Variants in DAW1 observed in about 807,000 individuals in gnomAD.
DAW1 encodes dynein assembly factor with WD repeats 1, also known as dynein assembly factor with WD repeat domains 1.
In DAW1, 47 loss-of-function variants were observed where a neutral mutation model predicts 56.5. The ratio of observed to expected loss-of-function variants is 0.83; its 90% CI spans 0.66 to 1.06. The LOEUF (loss-of-function observed/expected upper bound fraction) is 1.06. DAW1 is among the 50% of genes least tolerant of loss of function. The pLI, the probability that DAW1 is intolerant of heterozygous loss-of-function variation, is 0.00. For missense variants in DAW1, 505 were observed against 499.3 expected, an observed-to-expected ratio of 1.01 and a Z score of -0.11; for synonymous variants, 190 against 179.0, an observed-to-expected ratio of 1.06 and a Z score of -0.49.
chr2:227,918,192 C>CATT (rs1483343304), intron 10 of DAW1, among the ~76,000 whole-genome samples: 1 of 100,462 alleles, frequency 1.0e-5, no homozygotes. Context: ...TCCATCCATC[C>CATT]ATCCATCCAT....
In DAW1 at chr2:227,913,565, G is replaced by A. The variant is rs116452306; in HGVS notation, c.974-5215G>A. Among the ~76,000 whole-genome samples the A allele has an allele frequency of 8.1e-3, 1,231 of 152,056 alleles. 17 individuals are homozygous for A. Among genetic ancestry groups the A allele is most frequent in the African/African-American group, 0.028 (1,147 of 41,494 alleles). ...CCACAGTGCTGCATTCATGCATGTCGTCTCCTTGATATTCATGTATAATGC... is the reference window on the plus strand; with the variant it reads ...CCACAGTGCTGCATTCATGCATGTCATCTCCTTGATATTCATGTATAATGC... On this transcript the variant is annotated intron_variant, in intron 10 of 12. Transcript: ENST00000309931.
chr2:227,905,595 G>A (rs537066055), intron 8 of DAW1, among the ~76,000 whole-genome samples: 4 of 152,212 alleles, frequency 2.6e-5, no homozygotes, highest in Non-Finnish European at 4.4e-5. Flanking sequence ...GTTACTTGAT[G>A]TGTAGTTTCT....
intron 1 of DAW1, among the ~76,000 whole-genome samples, chr2:227,881,850 TC>T (rs1284421667): frequency 6.7e-6 from 1 of 149,002 alleles, no homozygotes; most frequent in East Asian, 2.0e-4. Flanking sequence ...CCTCCTGGGT[TC>T]AAGCGATTCT....
At chr2:227,903,161 T>C (rs756156717) in intron 7 of DAW1, 52 bp downstream of exon 7, 4 of 1,578,280 alleles carry the variant, frequency 2.5e-6, no homozygotes, top group Admixed American at 1.7e-5. Context: ...CTTATTTGTG[T>C]TTTTGTTACA....
At chr2:227,884,412 G>A (rs527441040) in intron 1 of DAW1, among the ~76,000 whole-genome samples, 2 of 152,164 alleles carry the variant, frequency 1.3e-5, no homozygotes, top group South Asian at 2.1e-4. Context: ...TGATTATTAC[G>A]GGGATCCTTG....
At chr2:227,905,305 A>C (rs1027346411) in intron 8 of DAW1, among the ~76,000 whole-genome samples, 1 of 152,216 alleles carries the variant, frequency 6.6e-6, no homozygotes, top group African/African-American at 2.4e-5. Flanking sequence ...TATTTATTTC[A>C]TGGATAATCA....
chr2:227,893,965 C>T, intron 5 of DAW1, 48 bp downstream of exon 5: 1 of 1,487,094 alleles, frequency 6.7e-7, no homozygotes. Flanking sequence ...TTTATTCATC[C>T]CTCCATCTGC....
chr2:227,875,275 T>G (rs1690853349), intron 1 of DAW1, among the ~76,000 whole-genome samples: 1 of 152,354 alleles, frequency 6.6e-6, no homozygotes, highest in East Asian at 1.9e-4. Flanking sequence ...CTTTTTAGCT[T>G]GAAAGCTTCC....
At chr2:227,911,288 A>G (rs1691818190) in intron 10 of DAW1, among the ~76,000 whole-genome samples, 1 of 148,304 alleles carries the variant, frequency 6.7e-6, no homozygotes, top group Non-Finnish European at 1.5e-5. Flanking sequence ...GTGTATATAT[A>G]CATATATACA....
rs1053465751 is a variant in DAW1 at position 227,907,967 on chromosome 2, T to G, written c.973+715T>G. Among the ~76,000 whole-genome samples the G allele has an allele frequency of 4.6e-5, 7 of 152,274 alleles. No individual in the cohort carries two copies. The East Asian group carries it at 1.3e-3, about 29-fold the overall frequency. On this transcript the variant is annotated intron_variant, in intron 10 of 12. Coordinates refer to ENST00000309931, the MANE Select transcript of DAW1 (RefSeq NM_178821.3). ...GCTGTTCCGCTATGTCTACTGCATC[T>G]TTGTGATAAGCATACATGATGCTAT... is the stretch of plus-strand genomic sequence containing the variant.
intron 5 of DAW1, among the ~76,000 whole-genome samples, chr2:227,895,890 C>A (rs989975974): frequency 6.6e-6 from 1 of 152,076 alleles, no homozygotes; most frequent in Non-Finnish European, 1.5e-5. Flanking sequence ...ATTTAGGATG[C>A]AGATATGACA....
chr2:227,885,511 A>C (rs898843218), intron 2 of DAW1, 88 bp downstream of exon 2: 4 of 944,724 alleles, frequency 4.2e-6, no homozygotes, highest in Non-Finnish European at 6.2e-6. Flanking sequence ...TAAACTGCAG[A>C]TAATACATTA....
At chr2:227,893,088 T>A (rs1363181269) in intron 4 of DAW1, among the ~76,000 whole-genome samples, 1 of 147,230 alleles carries the variant, frequency 6.8e-6, no homozygotes, top group Non-Finnish European at 1.5e-5. Flanking sequence ...GCCAACACAG[T>A]GAAACCCCAT....
rs1692170074 is a variant in DAW1, at chr2:227,924,055, T to A, written c.*87T>A. ...CAGACAGCAGCTCTCTTAATATTTCTTATACTTTCTCTTTTTCTGCAAGTC... is the reference window on the plus strand; with the variant it reads ...CAGACAGCAGCTCTCTTAATATTTCATATACTTTCTCTTTTTCTGCAAGTC... On this transcript the variant is annotated 3_prime_UTR_variant, in exon 13 of 13. Transcript: ENST00000309931. 6.8e-7 allele frequency: 1 copy of A among 1,478,624 alleles called. No individual in the cohort carries two copies. Among genetic ancestry groups the A allele is most frequent in the African/African-American group, 1.4e-5 (1 of 70,988 alleles). 91.6% of individuals were successfully genotyped at this position (1,478,624 alleles called of 1,614,324 possible). A position where few individuals can be genotyped will look rare whatever the true frequency, so the allele number is the denominator to read the frequency against.
At chr2:227,922,487 G>T (rs1240380071) in intron 12 of DAW1, among the ~76,000 whole-genome samples, 1 of 152,212 alleles carries the variant, frequency 6.6e-6, no homozygotes, top group Non-Finnish European at 1.5e-5. Context: ...CCACAATAGT[G>T]TGGAGTAGGG....
At chr2:227,909,962 G>A (rs974543369) in intron 10 of DAW1, among the ~76,000 whole-genome samples, 5 of 152,208 alleles carry the variant, frequency 3.3e-5, no homozygotes, top group African/African-American at 1.2e-4. Flanking sequence ...TCACAATGCC[G>A]CACTGTGTGT....
chr2:227,876,122 T>A (rs918563505), intron 1 of DAW1, among the ~76,000 whole-genome samples: 1 of 152,044 alleles, frequency 6.6e-6, no homozygotes, highest in Non-Finnish European at 1.5e-5. Context: ...TTCATGCCAT[T>A]CTCCTGCCTC....
intron 10 of DAW1, chr2:227,912,365 G>T: frequency 7.7e-7 from 1 of 1,304,584 alleles, no homozygotes; most frequent in Non-Finnish European, 1.0e-6. Flanking sequence ...CCCGAGTTAT[G>T]TCACGTTCTT....
intron 4 of DAW1, among the ~76,000 whole-genome samples, chr2:227,892,323 G>C (rs920539565): frequency 2.0e-5 from 3 of 151,740 alleles, no homozygotes; most frequent in African/African-American, 7.3e-5. Context: ...TAGCAGAGAC[G>C]GGGTTTCTCC....
Sources: gnomAD v4.1 joint callset for allele counts (sites outside exome capture counted in the v4.1 genomes callset) on GRCh38, gnomAD v4.1.1 for gene constraint, MANE v1.5 for transcripts, NCBI Gene and HGNC (gene_info 2026-07-23, HGNC 2026-07-21) for gene names.